Variants in TAS2R1 observed in about 807,000 individuals in gnomAD.
TAS2R1 encodes the protein taste 2 receptor member 1.
For missense variants in TAS2R1, 370 were observed against 353.4 expected (o/e 1.05, Z -0.38); for synonymous variants, 141 against 134.2 (o/e 1.05, Z -0.35).
At chr5:9,738,230 T>A in the TAS2R1 span, among the ~76,000 whole-genome samples, 2 of 152,192 alleles carry the variant, frequency 1.3e-5, no homozygotes, top group Non-Finnish European at 2.9e-5. Flanking sequence ...TTACCACCCA[T>A]TCTCAGAGTT....
At chr5:9,705,104 A>G (rs1179830817) in intron 1 of TAS2R1, among the ~76,000 whole-genome samples, 7 of 152,212 alleles carry the variant, frequency 4.6e-5, no homozygotes. Context: ...ACGTGGTCTT[A>G]GGCTGAAACT....
At chr5:9,745,796 A>G in the TAS2R1 span, among the ~76,000 whole-genome samples, 1 of 152,202 alleles carries the variant, frequency 6.6e-6, no homozygotes, top group Non-Finnish European at 1.5e-5. Flanking sequence ...TAAATGTAAA[A>G]CCCAAAACCA....
upstream of TAS2R1, chr5:9,714,093 C>A (rs1734758658): frequency 6.6e-6 from 1 of 152,190 alleles, no homozygotes; most frequent in East Asian, 1.9e-4. Context: ...ATGCCTCCTA[C>A]AGTATCTTCC....
the TAS2R1 span, among the ~76,000 whole-genome samples, chr5:9,741,521 G>A: frequency 3.9e-5 from 6 of 152,150 alleles, no homozygotes; most frequent in South Asian, 2.1e-4. Context: ...TTATGAAAAC[G>A]AGAAAATTTG....
chr5:9,893,342 G>A, the TAS2R1 span, among the ~76,000 whole-genome samples: 5 of 151,246 alleles, frequency 3.3e-5, no homozygotes, highest in African/African-American at 1.2e-4. Flanking sequence ...CCATTATCTT[G>A]TATATCACCT....
At chr5:9,799,624 C>T in the TAS2R1 span, among the ~76,000 whole-genome samples, 1 of 152,188 alleles carries the variant, frequency 6.6e-6, no homozygotes, top group African/African-American at 2.4e-5. Context: ...TAATTTGCAA[C>T]TCTGTCACTA....
At chr5:9,636,427 A>C (rs1021188865) in intron 2 of TAS2R1, among the ~76,000 whole-genome samples, 1 of 152,226 alleles carries the variant, frequency 6.6e-6, no homozygotes, top group Non-Finnish European at 1.5e-5. Context: ...TGTTTGGTAG[A>C]ATGTTCTGTA....
the TAS2R1 span, among the ~76,000 whole-genome samples, chr5:9,808,133 A>C: frequency 1.1e-4 from 16 of 152,228 alleles, no homozygotes; most frequent in Admixed American, 9.8e-4. Context: ...ATGAAGACTC[A>C]GAAAGAAAAG....
At chr5:9,686,156 C>T (rs112420482) in intron 1 of TAS2R1, among the ~76,000 whole-genome samples, 1 of 152,168 alleles carries the variant, frequency 6.6e-6, no homozygotes, top group Non-Finnish European at 1.5e-5. Flanking sequence ...TGTGCCACCG[C>T]GCCTGACCTT....
At chr5:9,842,274 G>A in the TAS2R1 span, among the ~76,000 whole-genome samples, 3 of 151,072 alleles carry the variant, frequency 2.0e-5, no homozygotes, top group Non-Finnish European at 4.4e-5. Flanking sequence ...TTCCTCCAGG[G>A]AAGGTTCAAC....
At chr5:9,864,216 G>A in the TAS2R1 span, among the ~76,000 whole-genome samples, 1 of 152,220 alleles carries the variant, frequency 6.6e-6, no homozygotes. Context: ...TGCTGTGCCT[G>A]AGTGTGGTCT....
chr5:9,711,799 A>G (rs1191156022), intron 1 of TAS2R1, among the ~76,000 whole-genome samples: 5 of 151,394 alleles, frequency 3.3e-5, no homozygotes, highest in Non-Finnish European at 7.4e-5. Context: ...AGTAGCTGGG[A>G]TTACAGGCAC....
chr5:9,849,587 T>A, the TAS2R1 span, among the ~76,000 whole-genome samples: 1 of 152,192 alleles, frequency 6.6e-6, no homozygotes, highest in African/African-American at 2.4e-5. Flanking sequence ...CACTTCTGTG[T>A]TCCCCCCTCC....
intron 2 of TAS2R1, among the ~76,000 whole-genome samples, chr5:9,648,693 TG>T (rs1185415385): frequency 1.3e-5 from 2 of 149,724 alleles, no homozygotes; most frequent in Admixed American, 6.7e-5. Flanking sequence ...TTTTCGGGGG[TG>T]GGGGGTAGCT....
At chr5:9,770,551 G>A in the TAS2R1 span, among the ~76,000 whole-genome samples, 1 of 152,040 alleles carries the variant, frequency 6.6e-6, no homozygotes, top group Non-Finnish European at 1.5e-5. Flanking sequence ...TGTAAAAATG[G>A]AATATCTTTA....
the TAS2R1 span, among the ~76,000 whole-genome samples, chr5:9,828,674 C>T: frequency 2.6e-5 from 4 of 152,168 alleles, no homozygotes; most frequent in Non-Finnish European, 4.4e-5. Context: ...AAGCTAAAAA[C>T]TGTGATTTTC....
intron 1 of TAS2R1, among the ~76,000 whole-genome samples, chr5:9,670,105 A>G (rs1323289562): frequency 6.6e-6 from 1 of 152,136 alleles, no homozygotes; most frequent in Non-Finnish European, 1.5e-5. Flanking sequence ...AAAAACCCTC[A>G]GAGACTACTA....
At chr5:9,788,976 A>ATGAGC in the TAS2R1 span, among the ~76,000 whole-genome samples, 1 of 152,196 alleles carries the variant, frequency 6.6e-6, no homozygotes, top group South Asian at 2.1e-4. Context: ...ACACATGCCT[A>ATGAGC]TGAGCCATGA....
chr5:9,707,635 A>G lies in TAS2R1; in HGVS notation c.-242+4537T>C, dbSNP rs529204326. Reference sequence around the variant, plus strand: ...GAAGCAGAGGTTGCAGTGAGCTGACATCGCACCACTGCACTCTAGCCTGGG... The same window carrying G: ...GAAGCAGAGGTTGCAGTGAGCTGACGTCGCACCACTGCACTCTAGCCTGGG... On this transcript the variant is annotated intron_variant, in intron 1 of 2. Transcript: ENST00000506620. 1.5e-3 allele frequency among the ~76,000 whole-genome samples: 233 copies of G among 152,236 alleles called. 1 individual carries two copies. The highest frequency in any genetic ancestry group is 6.8e-3 in the Middle Eastern group (2 of 294).
Sources: allele counts gnomAD v4.1 joint callset (sites outside exome capture counted in the v4.1 genomes callset), GRCh38; gene constraint gnomAD v4.1.1; transcripts MANE v1.5; gene names NCBI Gene and HGNC (gene_info 2026-07-23, HGNC 2026-07-21).